CHRNG: variants seen among roughly 807,000 people sequenced by gnomAD.
The protein encoded by CHRNG is acetylcholine receptor subunit gamma.
In CHRNG, 72 loss-of-function variants were observed where a neutral mutation model predicts 65.2. The ratio of observed to expected loss-of-function variants is 1.10; its 90% CI spans 0.91 to 1.34. CHRNG has a LOEUF of 1.34. CHRNG is among the 40% of genes most tolerant of loss of function. The pLI is 0.00. For missense variants in CHRNG, 637 were observed against 680.1 expected (o/e 0.94, Z 0.70); for synonymous variants, 284 against 290.2 (o/e 0.98, Z 0.22).
rs753762944 is a variant in CHRNG at position 232,543,601 on chromosome 2, C to T, written c.937C>T (p.Leu313=). The change falls in exon 9 of 12, where the codon CTG becomes TTG. Residue 313 remains leucine, a synonymous_variant. Coordinates refer to ENST00000651502, the MANE Select transcript of CHRNG (RefSeq NM_005199.5). The part of the protein sequence containing the change: ...PLISKYLTFL[L]VVTILIVVNA... ...CCCTGACAGGTACCTGACCTTCCTC[C>T]TGGTGGTGACCATCCTCATTGTCGT... The T allele has an allele frequency of 1.2e-6, 2 of 1,611,832 alleles. No homozygotes were observed. Among genetic ancestry groups the T allele is most frequent in the Middle Eastern group, 1.7e-4 (1 of 6,056 alleles).
chr2:232,542,763 G>T (rs1281266390), intron 6 of CHRNG, 119 bp from the exon 7 acceptor site: 4 of 871,170 alleles, frequency 4.6e-6, no homozygotes, highest in Non-Finnish European at 7.4e-6. Flanking sequence ...CCTCAAGGGT[G>T]CCTCCCCTGC....
Position 232,544,520 on chromosome 2 carries a change from G to C in CHRNG, c.1189G>C (p.Glu397Gln), listed in dbSNP as rs1303013064. 1 of 1,613,880 alleles carries C rather than the reference G, an allele frequency of 6.2e-7. No homozygotes were observed. The highest frequency in any genetic ancestry group is 1.7e-5 in the Admixed American group (1 of 60,026). Residue 397 changes from glutamate to glutamine, a missense_variant, in exon 10 of 12, where the codon GAA (glutamate) becomes CAA (glutamine). Glu to Gln is a conservative substitution (Grantham distance 29, BLOSUM62 2). Transcript: ENST00000651502. Reference protein sequence around the residue: ...EEVALCLPRSELLFQQWQRQG... With the variant: ...EEVALCLPRSQLLFQQWQRQG... Reference sequence around the variant, plus strand: ...GGTGGCCCTCTGCCTGCCTCGCAGTGAACTCCTCTTCCAGCAGTGGCAGCG... The same window carrying C: ...GGTGGCCCTCTGCCTGCCTCGCAGTCAACTCCTCTTCCAGCAGTGGCAGCG...
rs144948513 is a variant in CHRNG at position 232,544,561 on chromosome 2, G to C, written c.1230G>C (p.Ala410=). 3.7e-6 allele frequency: 6 copies of C among 1,613,136 alleles called. No individual in the cohort carries two copies. Among genetic ancestry groups the C allele is most frequent in the Non-Finnish European group, 5.1e-6 (6 of 1,179,730 alleles). The stretch of plus-strand genomic sequence containing the variant: ...AGTGGCAGCGGCAAGGGCTGGTGGC[G>C]GCAGCGCTGGAGAAGCTAGGTGAGA... ...FQQWQRQGLV[A]AALEKLEKGP... is the part of the protein sequence containing the mutation. Residue 410 remains alanine, a synonymous_variant, in exon 10 of 12, where the codon GCG becomes GCC. Coordinates refer to ENST00000651502, the MANE Select transcript of CHRNG (RefSeq NM_005199.5).
intron 11 of CHRNG, 110 bp from the exon 12 acceptor site, chr2:232,545,433 G>A: frequency 9.8e-7 from 1 of 1,015,886 alleles, no homozygotes; most frequent in Non-Finnish European, 1.5e-6. Context: ...AGGTAAGAAG[G>A]GCCCCAGGAA....
Position 232,541,299 on chromosome 2 carries a change from C to T in CHRNG, c.351-75C>T, listed in dbSNP as rs1485868548. 7.6e-6 allele frequency: 12 copies of T among 1,579,666 alleles called. No individual in the cohort carries two copies. Among genetic ancestry groups the T allele is most frequent in the Non-Finnish European group, 9.5e-6 (11 of 1,154,422 alleles). ...CCCAGGCCCCTATCCACATGGGGCA[C>T]AGGGGCTGGTCTGGGGCTGGGGTGT... On this transcript the variant is annotated intron_variant, in intron 4 of 11. Transcript: ENST00000651502. The surrounding 1 kb of genome is among the most constrained non-coding windows in gnomAD (Gnocchi z 4.0).
rs369008934 is a variant in CHRNG, at chr2:232,542,901, C to T, written c.624C>T (p.Ile208=). 1.2e-6 allele frequency: 2 copies of T among 1,613,786 alleles called. No individual in the cohort carries two copies. The highest frequency in any genetic ancestry group is 2.7e-5 in the African/African-American group (2 of 74,932). ...EAFTENGEWA[I]QHRPAKMLLD... ...CCGCAGAGAATGGGGAGTGGGCCAT[C>T]CAGCACCGACCAGCCAAGATGCTCC... The change falls in exon 7 of 12, where the codon ATC becomes ATT. Residue 208 remains isoleucine, a synonymous_variant. Transcript: ENST00000651502.
rs1433905351 is a variant in CHRNG at position 232,542,978 on chromosome 2, A to G, written c.701A>G (p.Tyr234Cys). ...GCAGGCCACCAGAAGGTGGTGTTCT[A>G]CCTGCTCATCCAGCGCAAGCCCCTC... ...QEAGHQKVVF[Y>C]LLIQRKPLFY... Residue 234 changes from tyrosine (Y) to cysteine (C), a missense_variant, in exon 7 of 12, where the codon TAC becomes TGC. Coordinates refer to ENST00000651502, the MANE Select transcript of CHRNG (RefSeq NM_005199.5). 6.2e-7 allele frequency: 1 copy of G among 1,614,058 alleles called. No individual in the cohort carries two copies. Among genetic ancestry groups the G allele is most frequent in the African/African-American group, 1.3e-5 (1 of 75,030 alleles).
intron 11 of CHRNG, 94 bp downstream of exon 11, chr2:232,544,996 G>A (rs1239303197): frequency 3.9e-6 from 6 of 1,533,856 alleles, no homozygotes; most frequent in Non-Finnish European, 5.4e-6. Context: ...AGATAGGGCA[G>A]TGGGATGGAA....
intron 6 of CHRNG, 138 bp from the exon 7 acceptor site, chr2:232,542,744 A>C: frequency 1.3e-6 from 1 of 774,420 alleles, no homozygotes; most frequent in Non-Finnish European, 2.2e-6. Context: ...CTCCCACCCC[A>C]CTTCTGTCCC....
rs1373442170 is a variant in CHRNG at position 232,540,958 on chromosome 2, G to A, written c.350+247G>A. 6.6e-6 allele frequency among the ~76,000 whole-genome samples: 1 copy of A among 152,126 alleles called. No individual in the cohort carries two copies. Among genetic ancestry groups the A allele is most frequent in the Non-Finnish European group, 1.5e-5 (1 of 68,024 alleles). On this transcript the variant is annotated intron_variant, in intron 4 of 11. Transcript: ENST00000651502. The surrounding 1 kb of genome is among the most constrained non-coding windows in gnomAD (Gnocchi z 4.2). ...CCTCTGGGCTGGGCCACCTGGGTGG[G>A]CTGCTCCCTTCCCTGTAACATGGGG... is the stretch of plus-strand genomic sequence containing the variant.
intron 9 of CHRNG, 80 bp downstream of exon 9, chr2:232,543,779 A>C: frequency 1.2e-6 from 1 of 855,558 alleles, no homozygotes; most frequent in Non-Finnish European, 2.0e-6. Context: ...GGCAGTACTC[A>C]CCTGTGGCAT....
rs866713522 is a variant in CHRNG, at chr2:232,541,610, C to T, written c.506+81C>T. On this transcript the variant is annotated intron_variant, in intron 5 of 11. Coordinates refer to ENST00000651502, the MANE Select transcript of CHRNG (RefSeq NM_005199.5). This position sits in a 1 kb window ranked among gnomAD's most constrained non-coding sequence, Gnocchi z 4.0. ...GTGGTGGGGTAAGGCCTGGGCAAGG[C>T]TTCTGGCCTTGGCTCTGGCAGCACC... 5 of 1,546,310 alleles carry T rather than the reference C, an allele frequency of 3.2e-6. No individual in the cohort carries two copies. Among genetic ancestry groups the T allele is most frequent in the Middle Eastern group, 1.9e-4 (1 of 5,396 alleles).
At position 232,544,380 on chromosome 2, in the gene CHRNG, T is replaced by A; in HGVS notation, c.1049T>A (p.Leu350His). 1 of 1,613,280 alleles carries A rather than the reference T, an allele frequency of 6.2e-7. No homozygotes were observed. Among genetic ancestry groups the A allele is most frequent in the Non-Finnish European group, 8.5e-7 (1 of 1,179,936 alleles). ...CCCCCTCTCTAGGTGTTCCTGAGGC[T>A]CTTGCCCCAGCTGCTGAGGATGCAC... ...ARGVRKVFLR[L>H]LPQLLRMHVR... is the part of the protein sequence containing the mutation. The change falls in exon 10 of 12, where the codon CTC (leucine) becomes CAC (histidine). Residue 350 changes from leucine to histidine, a missense_variant. Transcript: ENST00000651502.
chr2:232,548,100 C>T lies in CHRNG; in HGVS notation c.*2384C>T, dbSNP rs1457934976. The stretch of plus-strand genomic sequence containing the variant: ...AAAAATACTTTATTGCTAAAAAATG[C>T]TGATTATCAATCTGAGCCTTCGGTG... On this transcript the variant is annotated 3_prime_UTR_variant, in exon 12 of 12. Transcript: ENST00000651502. 1 of 657,034 alleles carries T rather than the reference C, an allele frequency of 1.5e-6. No individual in the cohort carries two copies. The highest frequency in any genetic ancestry group is 2.9e-5 in the East Asian group (1 of 34,238). 40.7% of individuals were successfully genotyped at this position (657,034 alleles called of 1,614,324 possible). A position where few individuals can be genotyped will look rare whatever the true frequency, so the allele number is the denominator to read the frequency against.
rs750402058 is a variant in CHRNG at position 232,543,416 on chromosome 2, C to G, written c.920+27C>G. On this transcript the variant is annotated intron_variant, in intron 8 of 11. Coordinates refer to ENST00000651502, the MANE Select transcript of CHRNG (RefSeq NM_005199.5). ...TAAGGCTGGTCTTCATGTCCACCCG[C>G]CTATGCCACTCTCCCTTCTTGGGAG... 3 of 1,513,654 alleles carry G rather than the reference C, an allele frequency of 2.0e-6. No individual in the cohort carries two copies. In the East Asian group the frequency reaches 6.8e-5, roughly 34 times the overall value. The allele number at this position is 1,513,654 out of a possible 1,614,324, so 93.8% of individuals were successfully genotyped here. A position where few individuals can be genotyped will look rare whatever the true frequency, so the allele number is the denominator to read the frequency against.
Position 232,541,734 on chromosome 2 carries a change from C to A in CHRNG, c.506+205C>A. The A allele has an allele frequency of 1.6e-6, 1 of 626,590 alleles. No homozygotes were observed. Among genetic ancestry groups the A allele is most frequent in the Non-Finnish European group, 2.8e-6 (1 of 355,676 alleles). The allele number at this position is 626,590 out of a possible 1,614,324, so 38.8% of individuals were successfully genotyped here. A position where few individuals can be genotyped will look rare whatever the true frequency, so the allele number is the denominator to read the frequency against. On this transcript the variant is annotated intron_variant, in intron 5 of 11. Transcript: ENST00000651502. This position sits in a 1 kb window ranked among gnomAD's most constrained non-coding sequence, Gnocchi z 4.0. ...TCCCTGCTAAGCCCGAGTCCCCTCA[C>A]TCATCCTTTACTGCCTCAGTTTCCT...
In CHRNG at chr2:232,541,696, G is replaced by A. The variant is rs1692019944; in HGVS notation, c.506+167G>A. On this transcript the variant is annotated intron_variant, in intron 5 of 11. Coordinates refer to ENST00000651502, the MANE Select transcript of CHRNG (RefSeq NM_005199.5). This position sits in a 1 kb window ranked among gnomAD's most constrained non-coding sequence, Gnocchi z 4.0. ...CCCATCTCAGGCTAAGACACCTGAA[G>A]GTGCCCAAGCTCTCCCTGCTAAGCC... 3 of 797,442 alleles carry A rather than the reference G, an allele frequency of 3.8e-6. No homozygotes were observed. The highest frequency in any genetic ancestry group is 6.2e-6 in the Non-Finnish European group (3 of 484,612). The allele number at this position is 797,442 out of a possible 1,614,324, so 49.4% of individuals were successfully genotyped here. A position where few individuals can be genotyped will look rare whatever the true frequency, so the allele number is the denominator to read the frequency against.
In CHRNG at chr2:232,540,940, G is replaced by T. The variant is rs67583510; in HGVS notation, c.350+229G>T. 6.6e-6 allele frequency among the ~76,000 whole-genome samples: 1 copy of T among 151,912 alleles called. No homozygotes were observed. Among genetic ancestry groups the T allele is most frequent in the African/African-American group, 2.4e-5 (1 of 41,370 alleles). On this transcript the variant is annotated intron_variant, in intron 4 of 11. Coordinates refer to ENST00000651502, the MANE Select transcript of CHRNG (RefSeq NM_005199.5). The surrounding 1 kb of genome is among the most constrained non-coding windows in gnomAD (Gnocchi z 4.2). The stretch of plus-strand genomic sequence containing the variant: ...CTACGCCAGGCTCCATCTCCTCTGG[G>T]CTGGGCCACCTGGGTGGGCTGCTCC...
At position 232,543,394 on chromosome 2, in the gene CHRNG, G is replaced by T. The variant is rs1164915183; in HGVS notation, c.920+5G>T. The T allele has an allele frequency of 1.2e-6, 2 of 1,602,670 alleles. No homozygotes were observed. On this transcript the variant is annotated splice_donor_5th_base_variant and intron_variant, in intron 8 of 11. Transcript: ENST00000651502. ...GGCGGTGCCACTCATCAGCAAGTAA[G>T]GCTGGTCTTCATGTCCACCCGCCTA...
Sources: gnomAD v4.1 joint callset for allele counts (sites outside exome capture counted in the v4.1 genomes callset) on GRCh38, gnomAD v4.1.1 for gene constraint, Gnocchi (gnomAD v3.1) non-coding constraint, MANE v1.5 for transcripts, NCBI Gene and HGNC (gene_info 2026-07-23, HGNC 2026-07-21) for gene names.